The following CEP83 variants were observed in gnomAD, a reference collection of about 807,000 sequenced individuals.
CEP83 encodes centrosomal protein of 83 kDa.
A neutral mutation model predicts 101.9 loss-of-function variants in CEP83; 70 were observed. The ratio of observed to expected loss-of-function variants is 0.69; its 90% CI spans 0.57 to 0.84. The LOEUF is 0.84. Ranked by LOEUF, CEP83 falls within the 40% of genes least tolerant of loss-of-function variation. The probability of loss-of-function intolerance (pLI) is 0.00; values close to 1 mark genes in which losing one functional copy is unlikely to be tolerated. For synonymous variants in CEP83, 264 were observed against 267.9 expected, an observed-to-expected ratio of 0.99 and a Z score of 0.14; for missense variants, 715 against 787.2, an observed-to-expected ratio of 0.91 and a Z score of 1.10.
At chr12:94,332,509 ATTTTC>A (rs988245395) in intron 13 of CEP83, among the ~76,000 whole-genome samples, 1 of 152,152 alleles carries the variant, frequency 6.6e-6, no homozygotes, top group African/African-American at 2.4e-5. Context: ...TAGTTCAGCT[ATTTTC>A]TTCTATGAAA....
chr12:94,304,061 TA>T, downstream of CEP83: 2 of 1,453,442 alleles, frequency 1.4e-6, no homozygotes, highest in Non-Finnish European at 1.9e-6. Flanking sequence ...GGTAAGATTT[TA>T]AATAACATTG....
chr12:94,327,592 GTTT>G (rs572310262), intron 14 of CEP83, among the ~76,000 whole-genome samples: 1 of 152,168 alleles, frequency 6.6e-6, no homozygotes, highest in Non-Finnish European at 1.5e-5. Context: ...TCTGACATGT[GTTT>G]TTTATCTTTC....
chr12:94,434,295 T>C (rs1429217429), intron 2 of CEP83, among the ~76,000 whole-genome samples: 1 of 152,086 alleles, frequency 6.6e-6, no homozygotes, highest in East Asian at 1.9e-4. Context: ...ATAAGAGATA[T>C]GAAACAAAAA....
chr12:94,409,140 TAC>T (rs2063727609), intron 4 of CEP83, among the ~76,000 whole-genome samples: 1 of 152,030 alleles, frequency 6.6e-6, no homozygotes, highest in East Asian at 1.9e-4. Context: ...TTGTTGAATT[TAC>T]TTTTCTAAAC....
At chr12:94,374,959 T>C (rs1341483554) in intron 8 of CEP83, among the ~76,000 whole-genome samples, 1 of 152,136 alleles carries the variant, frequency 6.6e-6, no homozygotes, top group Non-Finnish European at 1.5e-5. Context: ...AAATCAGAAT[T>C]TGAATCCAGT....
chr12:94,350,979 G>A (rs1028502434), intron 11 of CEP83, among the ~76,000 whole-genome samples: 1 of 151,994 alleles, frequency 6.6e-6, no homozygotes, highest in African/African-American at 2.4e-5. Context: ...TGACTGACTA[G>A]AGGACCAACA....
At chr12:94,403,094 G>A (rs901794539) in intron 5 of CEP83, 76 bp downstream of exon 5, 1 of 770,534 alleles carries the variant, frequency 1.3e-6, no homozygotes, top group Non-Finnish European at 2.2e-6. Context: ...GGGTTTTGGG[G>A]TAGGGGAATG....
At chr12:94,395,376 A>G (rs1029051294) in intron 6 of CEP83, among the ~76,000 whole-genome samples, 1 of 151,932 alleles carries the variant, frequency 6.6e-6, no homozygotes, top group African/African-American at 2.4e-5. Flanking sequence ...AATTAAAAAA[A>G]AAAATAATCA....
chr12:94,424,470 G>A (rs1456874497), intron 2 of CEP83: 4 of 1,613,860 alleles, frequency 2.5e-6, no homozygotes, highest in Non-Finnish European at 3.4e-6. Flanking sequence ...GTATCTCGAA[G>A]GATACGGGTG....
chr12:94,443,093 T>C (rs1052399419), intron 1 of CEP83, among the ~76,000 whole-genome samples: 1 of 152,176 alleles, frequency 6.6e-6, no homozygotes, highest in Admixed American at 6.5e-5. Context: ...CTGACTCAAA[T>C]CTAAATTTCC....
chr12:94,303,788 G>C (rs1441873247), downstream of CEP83: 1 of 1,591,040 alleles, frequency 6.3e-7, no homozygotes, highest in Non-Finnish European at 8.5e-7. Context: ...TCTATGCCAA[G>C]GATATCCCAA....
chr12:94,424,493 C>A (rs1294773731), intron 2 of CEP83: 7 of 1,613,782 alleles, frequency 4.3e-6, no homozygotes, highest in Non-Finnish European at 5.9e-6. Context: ...GATAACCTGG[C>A]CAAAGGGCTT....
intron 2 of CEP83, among the ~76,000 whole-genome samples, chr12:94,419,604 C>G (rs1270630253): frequency 6.6e-6 from 1 of 151,952 alleles, no homozygotes; most frequent in African/African-American, 2.4e-5. Flanking sequence ...GTACTTACTA[C>G]AAATATACAG....
chr12:94,298,745 AAAC>A, the CEP83 span: 18 of 1,613,328 alleles, frequency 1.1e-5, no homozygotes, highest in Non-Finnish European at 1.5e-5. Flanking sequence ...CCCAGGCTGA[AAAC>A]AAAAAAATCA....
intron 11 of CEP83, among the ~76,000 whole-genome samples, chr12:94,364,295 G>C (rs910316794): frequency 2.6e-5 from 4 of 151,844 alleles, no homozygotes; most frequent in Non-Finnish European, 5.9e-5. Flanking sequence ...TCAAATATTG[G>C]AAAAAAATTA....
chr12:94,347,224 A>G (rs1294069627), intron 11 of CEP83, among the ~76,000 whole-genome samples: 2 of 152,054 alleles, frequency 1.3e-5, no homozygotes, highest in African/African-American at 4.8e-5. Flanking sequence ...ATAAATCAAT[A>G]AGATAACTTC....
intron 6 of CEP83, among the ~76,000 whole-genome samples, chr12:94,382,982 A>T (rs1410540181): frequency 1.3e-5 from 2 of 152,062 alleles, no homozygotes; most frequent in Admixed American, 1.3e-4. Flanking sequence ...AACTATAATT[A>T]TAGATTTGTC....
downstream of CEP83, chr12:94,305,195 A>G: frequency 6.2e-7 from 1 of 1,605,474 alleles, no homozygotes. Flanking sequence ...TAAATAAACT[A>G]GAAAGAGAAC....
intron 1 of CEP83, among the ~76,000 whole-genome samples, chr12:94,449,779 TAAAAAAAAAAAAAAAAA>T (rs71071787): frequency 2.1e-5 from 1 of 48,580 alleles, no homozygotes; most frequent in Non-Finnish European, 3.4e-5. Context: ...TCTCAAACAA[TAAAAAAAAAAAAAAAAA>T]AAAAAAAAAA....
Sources: allele counts gnomAD v4.1 joint callset (sites outside exome capture counted in the v4.1 genomes callset), GRCh38; gene constraint gnomAD v4.1.1; transcripts MANE v1.5; gene names NCBI Gene and HGNC (gene_info 2026-07-23, HGNC 2026-07-21).